C17orf67: variants seen among roughly 807,000 people sequenced by gnomAD.
C17orf67 encodes the protein uncharacterized protein C17orf67.
Under a neutral mutation model 11.2 loss-of-function variants are expected in C17orf67, and 12 were observed. That is an observed-to-expected ratio of 1.07 (90% CI 0.68 to 1.73). The LOEUF (loss-of-function observed/expected upper bound fraction) is 1.73, where lower values mean the gene tolerates loss of function less well. Among genes scored for constraint, C17orf67 ranks in the 40% most tolerant of loss-of-function variants. The pLI, the probability that C17orf67 is intolerant of heterozygous loss-of-function variation, is 0.00. For synonymous variants in C17orf67, 59 were observed against 46.9 expected (o/e 1.26, Z -1.05); for missense variants, 115 against 113.5 (o/e 1.01, Z -0.06).
At chr17:56,793,494 G>C (rs1371622551) in intron 7 of C17orf67, among the ~76,000 whole-genome samples, 1 of 152,206 alleles carries the variant, frequency 6.6e-6, no homozygotes. Context: ...CTACTGTGGG[G>C]CTGAACCCAG....
At chr17:56,829,928 T>C (rs73325041) in intron 2 of C17orf67, among the ~76,000 whole-genome samples, 2,294 of 152,356 alleles carry the variant, frequency 0.015, 57 homozygotes, top group African/African-American at 0.052. Flanking sequence ...TATTGCACTT[T>C]GAAAACAGAT....
chr17:56,813,918 C>G (rs953521941), intron 6 of C17orf67, among the ~76,000 whole-genome samples: 4 of 152,006 alleles, frequency 2.6e-5, no homozygotes, highest in African/African-American at 9.7e-5. Flanking sequence ...AGAAACTTCC[C>G]CAAACTTACC....
chr17:56,830,159 T>C (rs536432735), intron 2 of C17orf67, among the ~76,000 whole-genome samples: 2 of 151,308 alleles, frequency 1.3e-5, no homozygotes, highest in South Asian at 4.2e-4. Flanking sequence ...CTCGCTAACA[T>C]GGTGAAATCC....
At chr17:56,827,472 C>A (rs764144967) in intron 2 of C17orf67, among the ~76,000 whole-genome samples, 2 of 152,208 alleles carry the variant, frequency 1.3e-5, no homozygotes, top group Non-Finnish European at 2.9e-5. Context: ...GAAAGGAAAT[C>A]AGAATCTGCA....
chr17:56,819,903 G>A (rs1905857639), intron 4 of C17orf67, among the ~76,000 whole-genome samples: 2 of 152,186 alleles, frequency 1.3e-5, no homozygotes, highest in Non-Finnish European at 2.9e-5. Context: ...AAGAGCTCAA[G>A]GCCACTAAGG....
chr17:56,798,540 C>T (rs1455635109), intron 6 of C17orf67, among the ~76,000 whole-genome samples: 1 of 152,100 alleles, frequency 6.6e-6, no homozygotes, highest in African/African-American at 2.4e-5. Flanking sequence ...TACACAAATG[C>T]ATGGCAGTCG....
At position 56,810,203 on chromosome 17, in the gene C17orf67, TCTCA is replaced by T. The variant is rs752848746; in HGVS notation, c.156+4662_156+4665del. On this transcript the variant is annotated intron_variant, in intron 6 of 7. Transcript: ENST00000397861. Reference sequence around the variant, plus strand: ...TTGAACACACCCTTCACACACACACTCTCACACACACCATCACACCCCTCACATA... The same window carrying T: ...TTGAACACACCCTTCACACACACACTCACACACCATCACACCCCTCACATA... Among the ~76,000 whole-genome samples the T allele has an allele frequency of 8.4e-5, 8 of 95,392 alleles. No homozygotes were observed. In the East Asian group the frequency reaches 2.3e-3, roughly 27 times the overall value. The allele number at this position is 95,392 out of a possible 152,430, so 62.6% of individuals were successfully genotyped here.
chr17:56,821,405 T>A (rs188778573), intron 4 of C17orf67, among the ~76,000 whole-genome samples: 39 of 152,342 alleles, frequency 2.6e-4, no homozygotes, highest in African/African-American at 9.4e-4. Context: ...TAGACTAGAC[T>A]ACAGTATTTT....
chr17:56,793,662 G>C (rs1905158672), intron 7 of C17orf67, among the ~76,000 whole-genome samples: 1 of 152,256 alleles, frequency 6.6e-6, no homozygotes, highest in Non-Finnish European at 1.5e-5. Context: ...CAAGGGCACA[G>C]AGCTGGAAAT....
intron 2 of C17orf67, among the ~76,000 whole-genome samples, chr17:56,828,048 T>C (rs1437561601): frequency 7.7e-6 from 1 of 129,446 alleles, no homozygotes; most frequent in Non-Finnish European, 1.6e-5. Flanking sequence ...CTACTAAAAA[T>C]ACAAAAATTA....
At chr17:56,828,735 AT>A (rs1906109159) in intron 2 of C17orf67, among the ~76,000 whole-genome samples, 1 of 151,850 alleles carries the variant, frequency 6.6e-6, no homozygotes, top group African/African-American at 2.4e-5. Flanking sequence ...CGTGGCTTTC[AT>A]TTCCTTAGTC....
intron 6 of C17orf67, among the ~76,000 whole-genome samples, chr17:56,809,733 C>A (rs1001679842): frequency 7.1e-6 from 1 of 140,984 alleles, no homozygotes; most frequent in Non-Finnish European, 1.5e-5. Context: ...ACCCTCACAC[C>A]CCTCTACACA....
intron 6 of C17orf67, among the ~76,000 whole-genome samples, chr17:56,809,592 C>A (rs373407199): frequency 3.5e-4 from 50 of 142,746 alleles, no homozygotes; most frequent in South Asian, 3.2e-3. Context: ...CTCACACACA[C>A]CCCTCACACA....
At chr17:56,799,103 C>T (rs1905264699) in intron 6 of C17orf67, among the ~76,000 whole-genome samples, 2 of 152,210 alleles carry the variant, frequency 1.3e-5, no homozygotes, top group Non-Finnish European at 2.9e-5. Context: ...TAAGGCCACA[C>T]CTCCAACACT....
chr17:56,815,678 T>C, intron 5 of C17orf67, 78 bp downstream of exon 5: 1 of 1,252,320 alleles, frequency 8.0e-7, no homozygotes, highest in Non-Finnish European at 1.0e-6. Flanking sequence ...TTATTTAAAA[T>C]TAAAAAATTA....
intron 7 of C17orf67, among the ~76,000 whole-genome samples, chr17:56,794,087 G>A (rs1247812960): frequency 1.3e-5 from 2 of 152,204 alleles, no homozygotes; most frequent in African/African-American, 2.4e-5. Context: ...CTTAGCCTGA[G>A]TTAGTAGCTT....
intron 2 of C17orf67, among the ~76,000 whole-genome samples, chr17:56,829,383 CAAG>C (rs1345236138): frequency 6.6e-6 from 1 of 152,320 alleles, no homozygotes; most frequent in African/African-American, 2.4e-5. Flanking sequence ...CTCTAAGCAA[CAAG>C]AAGGGCTGGC....
intron 6 of C17orf67, among the ~76,000 whole-genome samples, chr17:56,801,891 T>C (rs949400610): frequency 9.2e-5 from 14 of 152,232 alleles, no homozygotes; most frequent in African/African-American, 3.4e-4. Flanking sequence ...GAACCCCTGC[T>C]GCCTGCTTCT....
chr17:56,831,858 C>T lies in C17orf67; in HGVS notation c.-557+1040G>A, dbSNP rs375846066. Among the ~76,000 whole-genome samples the T allele has an allele frequency of 1.3e-3, 191 of 152,322 alleles. 1 individual carries two copies. Among genetic ancestry groups the T allele is most frequent in the African/African-American group, 4.3e-3 (179 of 41,568 alleles). ...CTGAGCCCCCTTTTCAACTAGGCCT[C>T]CACCTTGGCCTATGAAATCTGCAGA... On this transcript the variant is annotated intron_variant, in intron 2 of 7. Transcript: ENST00000397861.
Sources: gnomAD v4.1 joint callset for allele counts (sites outside exome capture counted in the v4.1 genomes callset) on GRCh38, gnomAD v4.1.1 for gene constraint, MANE v1.5 for transcripts, NCBI Gene and HGNC (gene_info 2026-07-23, HGNC 2026-07-21) for gene names.